Variants in USP24 observed in about 807,000 individuals in gnomAD.
USP24 encodes the protein ubiquitin carboxyl-terminal hydrolase 24.
A neutral mutation model predicts 361.6 loss-of-function variants in USP24; 97 were observed. The ratio of observed to expected loss-of-function variants is 0.27; its 90% CI spans 0.23 to 0.32. USP24 has a LOEUF of 0.32. Among genes scored for constraint, USP24 ranks in the 10% least tolerant of loss-of-function variants. The pLI, the probability that USP24 is intolerant of heterozygous loss-of-function variation, is 1.00. For synonymous variants in USP24, 1,098 were observed against 1,124.6 expected (o/e 0.98, Z 0.47); for missense variants, 2,353 against 3,165.6 (o/e 0.74, Z 6.16).
intron 59 of USP24, 77 bp downstream of exon 59, chr1:55,081,245 C>A (rs979742095): frequency 5.0e-6 from 7 of 1,392,862 alleles, no homozygotes; most frequent in African/African-American, 4.3e-5. Flanking sequence ...AAGAGACATT[C>A]ATTTACTTGC....
intron 40 of USP24, 103 bp downstream of exon 40, chr1:55,107,136 C>A (rs1645797472): frequency 7.2e-7 from 1 of 1,381,098 alleles, no homozygotes; most frequent in Non-Finnish European, 9.7e-7. Context: ...GTCAATTTTC[C>A]ATGGAACACT....
intron 34 of USP24, among the ~76,000 whole-genome samples, chr1:55,125,038 A>G (rs574464401): frequency 2.7e-4 from 41 of 152,288 alleles, no homozygotes; most frequent in African/African-American, 7.2e-4. Context: ...CTCAAATGCC[A>G]TCTATAACAT....
At chr1:55,077,803 G>A (rs1645061420) in intron 61 of USP24, among the ~76,000 whole-genome samples, 1 of 152,176 alleles carries the variant, frequency 6.6e-6, no homozygotes, top group Admixed American at 6.5e-5. Flanking sequence ...ATAAAAGTGG[G>A]AAAGGACATT....
intron 1 of USP24, among the ~76,000 whole-genome samples, chr1:55,181,024 A>C (rs959697091): frequency 6.6e-6 from 1 of 152,086 alleles, no homozygotes; most frequent in African/African-American, 2.4e-5. Flanking sequence ...CAGGACCCCA[A>C]ATTGCCTAAT....
chr1:55,098,689 TG>T (rs2100498884), intron 45 of USP24, 131 bp from the exon 46 acceptor site: 1 of 693,152 alleles, frequency 1.4e-6, no homozygotes, highest in African/African-American at 1.8e-5. Context: ...CTGTGGTGAA[TG>T]GAGGCTAAAC....
At position 55,099,883 on chromosome 1, in the gene USP24, ATTAAATG is replaced by A. The variant is rs754867554; in HGVS notation, c.5272-21_5272-15del. ...CATCTTGAAAATCTATATAACAAAA[ATTAAATG>A]TTTTTAAAGGAAAAGTAGCAATTTC... On this transcript the variant is annotated splice_polypyrimidine_tract_variant and intron_variant, in intron 44 of 67. Transcript: ENST00000294383. The A allele has an allele frequency of 7.8e-6, 12 of 1,532,272 alleles. No homozygotes were observed. In the South Asian group the frequency reaches 1.5e-4, roughly 19 times the overall value. The allele number at this position is 1,532,272 out of a possible 1,614,324, so 94.9% of individuals were successfully genotyped here.
chr1:55,213,160 CTG>C (rs1644890246), intron 1 of USP24, among the ~76,000 whole-genome samples: 1 of 152,162 alleles, frequency 6.6e-6, no homozygotes, highest in Non-Finnish European at 1.5e-5. Flanking sequence ...GATTTCAAAA[CTG>C]GGTCAAAAAC....
At chr1:55,123,134 C>G (rs1646330090) in intron 36 of USP24, among the ~76,000 whole-genome samples, 1 of 152,186 alleles carries the variant, frequency 6.6e-6, no homozygotes, top group Non-Finnish European at 1.5e-5. Context: ...AATTGATATA[C>G]AATTCTAATT....
rs1385953763 is a variant in USP24 at position 55,214,938 on chromosome 1, C to T, written c.176G>A (p.Gly59Asp). 6.5e-6 allele frequency: 9 copies of T among 1,385,568 alleles called. No individual in the cohort carries two copies. Among genetic ancestry groups the T allele is most frequent in the Non-Finnish European group, 7.5e-6 (8 of 1,060,520 alleles). The allele number at this position is 1,385,568 out of a possible 1,614,324, so 85.8% of individuals were successfully genotyped here. ...DYGGYEPMDSGGGPSPGPGGG... is the reference protein window; with the variant it reads ...DYGGYEPMDSDGGPSPGPGGG... ...GCCGGGCCCGGGGCTGGGGCCACCGCCGCTGTCCATGGGCTCGTAGCCGCC... is the reference window on the plus strand; with the variant it reads ...GCCGGGCCCGGGGCTGGGGCCACCGTCGCTGTCCATGGGCTCGTAGCCGCC... Residue 59 changes from glycine (G) to aspartate (D), a missense_variant, in exon 1 of 68, where the codon GGC becomes GAC. Coordinates refer to ENST00000294383, the MANE Select transcript of USP24 (RefSeq NM_015306.3).
At chr1:55,160,794 G>T (rs1237766359) in intron 8 of USP24, among the ~76,000 whole-genome samples, 4 of 152,108 alleles carry the variant, frequency 2.6e-5, no homozygotes, top group African/African-American at 4.8e-5. Flanking sequence ...ACATAGCAAG[G>T]CATGAGCAAA....
At chr1:55,212,317 C>G (rs1317098420) in intron 1 of USP24, among the ~76,000 whole-genome samples, 1 of 152,192 alleles carries the variant, frequency 6.6e-6, no homozygotes, top group Non-Finnish European at 1.5e-5. Flanking sequence ...TCCTTACTAT[C>G]CATACTGTTA....
chr1:55,126,220 T>C (rs1646423958), intron 32 of USP24, among the ~76,000 whole-genome samples: 1 of 152,230 alleles, frequency 6.6e-6, no homozygotes, highest in Non-Finnish European at 1.5e-5. Context: ...CCAACCACAC[T>C]GGCCTCCTGT....
chr1:55,088,945 G>A (rs769272209), intron 55 of USP24, among the ~76,000 whole-genome samples: 12 of 150,598 alleles, frequency 8.0e-5, no homozygotes, highest in South Asian at 6.3e-4. Flanking sequence ...GTGGAGTCTC[G>A]CTCTGTTGCC....
In USP24 at chr1:55,098,014, A is replaced by G; in HGVS notation, c.5524T>C (p.Leu1842=). ...VTSCQSLEIS[L]DQFVRGEVLE... is the part of the protein sequence containing the mutation. ...ACTTCTCCTCTAACAAATTGGTCCAAAGAAATTTCCAAACTCTGACAAGAA... is the reference window on the plus strand; with the variant it reads ...ACTTCTCCTCTAACAAATTGGTCCAGAGAAATTTCCAAACTCTGACAAGAA... Residue 1842 remains leucine (L), a synonymous_variant, in exon 47 of 68, where the codon TTG becomes CTG. Coordinates refer to ENST00000294383, the MANE Select transcript of USP24 (RefSeq NM_015306.3). 6.2e-7 allele frequency: 1 copy of G among 1,613,710 alleles called. No homozygotes were observed. Among genetic ancestry groups the G allele is most frequent in the Non-Finnish European group, 8.5e-7 (1 of 1,179,762 alleles).
chr1:55,071,713 C>T, intron 67 of USP24, 101 bp downstream of exon 67: 1 of 1,253,768 alleles, frequency 8.0e-7, no homozygotes, highest in Non-Finnish European at 1.1e-6. Context: ...GACTCACATT[C>T]CAGAGGAAGC....
At chr1:55,164,063 T>A (rs1386045605) in intron 7 of USP24, among the ~76,000 whole-genome samples, 2 of 151,978 alleles carry the variant, frequency 1.3e-5, no homozygotes, top group Admixed American at 6.6e-5. Flanking sequence ...ATAGAAATAA[T>A]CCAATGCCCA....
chr1:55,202,977 GAGATCACATTCATAAACTTTTACTACCGT>G (rs1644615311), intron 1 of USP24, among the ~76,000 whole-genome samples: 1 of 152,192 alleles, frequency 6.6e-6, no homozygotes, highest in South Asian at 2.1e-4. Context: ...TTTTAAGTGA[GAGATCACATTCATAAACTTTTACTACCGT>G]ATATTGTAAT....
intron 23 of USP24, among the ~76,000 whole-genome samples, chr1:55,142,277 G>C (rs1043888320): frequency 1.3e-5 from 2 of 152,090 alleles, no homozygotes; most frequent in Non-Finnish European, 2.9e-5. Flanking sequence ...TACACAGCAG[G>C]CTTCTAATGG....
intron 38 of USP24, among the ~76,000 whole-genome samples, chr1:55,111,359 T>C (rs1645946379): frequency 6.6e-6 from 1 of 152,150 alleles, no homozygotes; most frequent in South Asian, 2.1e-4. Flanking sequence ...TGCTTTCTGC[T>C]TCTTTCGTAA....
Sources: allele counts gnomAD v4.1 joint callset (sites outside exome capture counted in the v4.1 genomes callset), GRCh38; gene constraint gnomAD v4.1.1; transcripts MANE v1.5; gene names NCBI Gene and HGNC (gene_info 2026-07-23, HGNC 2026-07-21).